Variants in ZNF273 observed in about 807,000 individuals in gnomAD.
ZNF273 encodes zinc finger protein 273, also known as zinc finger protein 9.
In ZNF273, 11 loss-of-function variants were observed where a neutral mutation model predicts 14.9. The ratio of observed to expected loss-of-function variants is 0.74; its 90% CI spans 0.46 to 1.22. The LOEUF is 1.22. ZNF273 is among the 50% of genes most tolerant of loss of function. The pLI is 0.00. For synonymous variants in ZNF273, 199 were observed against 223.9 expected (o/e 0.89, Z 0.99); for missense variants, 577 against 660.6 (o/e 0.87, Z 1.39).
intron 1 of ZNF273, among the ~76,000 whole-genome samples, chr7:64,906,815 AC>A (rs1257341430): frequency 1.4e-5 from 2 of 146,166 alleles, no homozygotes; most frequent in Non-Finnish European, 3.0e-5. Flanking sequence ...TTCTAGACTT[AC>A]AAAATAAAAC....
chr7:64,885,186 G>C (rs10269760), intron 1 of ZNF273, among the ~76,000 whole-genome samples: 57 of 152,256 alleles, frequency 3.7e-4, no homozygotes, highest in Middle Eastern at 3.4e-3. Context: ...ATAGTCCCAC[G>C]ATCCCAGGAG....
downstream of ZNF273, among the ~76,000 whole-genome samples, chr7:64,933,845 CT>C (rs2129111228): frequency 6.6e-6 from 1 of 152,214 alleles, no homozygotes; most frequent in Admixed American, 6.5e-5. Context: ...CAAGTTAATG[CT>C]TTACCTCACA....
At chr7:64,884,581 C>T (rs193041985), downstream of ZNF273, among the ~76,000 whole-genome samples, 70 of 152,248 alleles carry the variant, frequency 4.6e-4, no homozygotes, top group Admixed American at 2.1e-3. Flanking sequence ...AAGCAGGACT[C>T]CCTGGGGGGC....
intron 1 of ZNF273, among the ~76,000 whole-genome samples, chr7:64,907,877 G>A (rs1008388658): frequency 6.6e-6 from 1 of 152,056 alleles, no homozygotes; most frequent in African/African-American, 2.4e-5. Context: ...GAAATGAGCT[G>A]TGATAACAGA....
chr7:64,886,585 C>T (rs1297836188), intron 1 of ZNF273, among the ~76,000 whole-genome samples: 10 of 152,204 alleles, frequency 6.6e-5, no homozygotes, highest in Admixed American at 6.5e-4. Context: ...TCAATGTGCA[C>T]TCACAAACTC....
In ZNF273 at chr7:64,928,201, A is replaced by T. The variant is rs1245306281; in HGVS notation, c.873A>T (p.Lys291Asn). ...KKIHTEEKPY[K>N]CEDCGKVFSV... ...TTCATACTGAAGAGAAACCTTACAA[A>T]TGTGAAGATTGTGGCAAAGTCTTTA... Residue 291 changes from lysine (K) to asparagine (N), a missense_variant, in exon 4 of 4, where the codon AAA (lysine) becomes AAT (asparagine). By Grantham distance (94) the Lys-to-Asn change is moderately conservative (BLOSUM62 0). Coordinates refer to ENST00000476120, the MANE Select transcript of ZNF273 (RefSeq NM_021148.3). The T allele has an allele frequency of 6.2e-7, 1 of 1,613,478 alleles. No homozygotes were observed. Among genetic ancestry groups the T allele is most frequent in the Non-Finnish European group, 8.5e-7 (1 of 1,179,776 alleles).
chr7:64,884,334 C>T (rs919552143), downstream of ZNF273, among the ~76,000 whole-genome samples: 2 of 152,068 alleles, frequency 1.3e-5, no homozygotes, highest in Admixed American at 1.3e-4. Flanking sequence ...CAGCACAAAC[C>T]CTCTCATTCT....
downstream of ZNF273, among the ~76,000 whole-genome samples, chr7:64,883,546 T>G (rs930186915): frequency 1.3e-5 from 2 of 152,158 alleles, no homozygotes; most frequent in African/African-American, 2.4e-5. Context: ...TGCGGACAGA[T>G]GATACAGAAG....
chr7:64,905,783 AAC>A (rs1793075798), intron 1 of ZNF273, among the ~76,000 whole-genome samples: 1 of 152,170 alleles, frequency 6.6e-6, no homozygotes, highest in African/African-American at 2.4e-5. Flanking sequence ...ACACGAGTCA[AAC>A]ACATCAGTTT....
rs141939573 is a variant in ZNF273, at chr7:64,919,469, C to T, written c.325+1177C>T. ...ACCAGTCTTGCCAACATGGAAATCC[C>T]GTATTTACTAAAAATACAAAAAATA... On this transcript the variant is annotated intron_variant, in intron 3 of 3. Coordinates refer to ENST00000476120, the MANE Select transcript of ZNF273 (RefSeq NM_021148.3). 3.9e-3 allele frequency among the ~76,000 whole-genome samples: 591 copies of T among 151,990 alleles called. 11 individuals carry two copies. The highest frequency in any genetic ancestry group is 0.014 in the African/African-American group (571 of 41,462).
rs1342161490 is a variant in ZNF273, at chr7:64,928,207, A to C, written c.879A>C (p.Glu293Asp). The C allele has an allele frequency of 3.7e-6, 6 of 1,613,368 alleles. No individual in the cohort carries two copies. The highest frequency in any genetic ancestry group is 5.1e-6 in the Non-Finnish European group (6 of 1,179,800). The change falls in exon 4 of 4, where the codon GAA becomes GAC. Residue 293 changes from glutamate (E) to aspartate (D), a missense_variant. Transcript: ENST00000476120. ...IHTEEKPYKC[E>D]DCGKVFSVFS... The stretch of plus-strand genomic sequence containing the variant: ...CTGAAGAGAAACCTTACAAATGTGA[A>C]GATTGTGGCAAAGTCTTTAGTGTAT...
chr7:64,901,825 C>T (rs1423980902), upstream of ZNF273, among the ~76,000 whole-genome samples: 4 of 151,770 alleles, frequency 2.6e-5, no homozygotes, highest in East Asian at 5.8e-4. Context: ...TGGCACATGC[C>T]GGTAATCTCA....
chr7:64,903,560 C>T, intron 1 of ZNF273, 141 bp downstream of exon 1: 2 of 873,998 alleles, frequency 2.3e-6, no homozygotes, highest in South Asian at 1.5e-5. Flanking sequence ...GCAGCTCGGC[C>T]CTCAGTCCCC....
chr7:64,878,975 G>A (rs1199019187), intron 2 of ZNF273, among the ~76,000 whole-genome samples: 2 of 152,188 alleles, frequency 1.3e-5, no homozygotes, highest in African/African-American at 4.8e-5. Flanking sequence ...TTGGAACGGT[G>A]GATTCCAGTT....
downstream of ZNF273, among the ~76,000 whole-genome samples, chr7:64,884,729 G>A (rs767449633): frequency 2.6e-5 from 4 of 152,146 alleles, no homozygotes; most frequent in African/African-American, 4.8e-5. Context: ...CCCTGGGACC[G>A]GATTCTTGCA....
chr7:64,935,611 C>T (rs1362555574), downstream of ZNF273, among the ~76,000 whole-genome samples: 1 of 152,068 alleles, frequency 6.6e-6, no homozygotes, highest in Non-Finnish European at 1.5e-5. Context: ...CAACTTCTGC[C>T]TCCCGGGTGC....
At position 64,903,283 on chromosome 7, in the gene ZNF273, G is replaced by C. The variant is rs747159221; in HGVS notation, c.-35G>C. 3 of 1,549,734 alleles carry C rather than the reference G, an allele frequency of 1.9e-6. No individual in the cohort carries two copies. The South Asian group carries it at 3.4e-5, about 17-fold the overall frequency. On this transcript the variant is annotated 5_prime_UTR_variant, in exon 1 of 4. Transcript: ENST00000476120. ...TTTGGCGGGGCCTTTGTCTCTCGCT[G>C]CAGTCGCAGCTCCAGGTCTCGTCTT... is the stretch of plus-strand genomic sequence containing the variant.
chr7:64,919,716 A>G (rs1794290713), intron 3 of ZNF273, among the ~76,000 whole-genome samples: 2 of 152,184 alleles, frequency 1.3e-5, no homozygotes, highest in East Asian at 1.9e-4. Context: ...TTCTTCCTCT[A>G]TTTTACCAGA....
At position 64,917,887 on chromosome 7, in the gene ZNF273, C is replaced by T. The variant is rs914366815; in HGVS notation, c.229+180C>T. On this transcript the variant is annotated intron_variant, in intron 2 of 3. Transcript: ENST00000476120. Reference sequence around the variant, plus strand: ...GTTTCATCTTGACTTGAACTTTCCACGTTCTTGAGCTACTCTGTATCCTTC... The same window carrying T: ...GTTTCATCTTGACTTGAACTTTCCATGTTCTTGAGCTACTCTGTATCCTTC... Among the ~76,000 whole-genome samples, 5 of 152,082 alleles carry T rather than the reference C, an allele frequency of 3.3e-5. No individual in the cohort carries two copies. In the East Asian group the frequency reaches 5.8e-4, roughly 18 times the overall value.
Sources: allele counts gnomAD v4.1 joint callset (sites outside exome capture counted in the v4.1 genomes callset), GRCh38; gene constraint gnomAD v4.1.1; transcripts MANE v1.5; gene names NCBI Gene and HGNC (gene_info 2026-07-23, HGNC 2026-07-21).